MAGI2: variants seen among roughly 807,000 people sequenced by gnomAD.
MAGI2 encodes membrane-associated guanylate kinase, WW and PDZ domain-containing protein 2.
In MAGI2, 35 loss-of-function variants were observed where a neutral mutation model predicts 133.3. The observed-to-expected ratio is 0.26, with a 90% CI of 0.20 to 0.35. The LOEUF is 0.35. Ranked by LOEUF, MAGI2 falls within the 10% of genes least tolerant of loss-of-function variation. MAGI2 has a pLI of 1.00. For missense variants in MAGI2, 1,636 were observed against 1,863.4 expected (o/e 0.88, Z 2.25); for synonymous variants, 729 against 710.6 (o/e 1.03, Z -0.41).
At chr7:78,953,831 T>C (rs534920789) in intron 2 of MAGI2, among the ~76,000 whole-genome samples, 14 of 152,190 alleles carry the variant, frequency 9.2e-5, no homozygotes, top group African/African-American at 2.9e-4. Flanking sequence ...CCAAATGAAA[T>C]TGGGCTGTTT....
At chr7:79,405,480 T>A (rs1845743794) in intron 1 of MAGI2, among the ~76,000 whole-genome samples, 1 of 152,270 alleles carries the variant, frequency 6.6e-6, no homozygotes, top group Middle Eastern at 3.4e-3. Flanking sequence ...AGAGTGATCC[T>A]TATTAATACT....
At chr7:79,187,719 C>A (rs1827289623) in intron 1 of MAGI2, among the ~76,000 whole-genome samples, 1 of 151,528 alleles carries the variant, frequency 6.6e-6, no homozygotes, top group Non-Finnish European at 1.5e-5. Flanking sequence ...TATGTCACAC[C>A]AAATTTATAA....
At chr7:78,041,027 T>C (rs1252299016) in intron 21 of MAGI2, among the ~76,000 whole-genome samples, 1 of 152,110 alleles carries the variant, frequency 6.6e-6, no homozygotes, top group Non-Finnish European at 1.5e-5. Flanking sequence ...GGGGAAAGAT[T>C]GAAACTAACT....
chr7:78,769,195 A>G (rs1825327727), intron 2 of MAGI2, among the ~76,000 whole-genome samples: 2 of 152,180 alleles, frequency 1.3e-5, no homozygotes, highest in Non-Finnish European at 2.9e-5. Context: ...CTAAAAAGGG[A>G]AAACATGATA....
chr7:78,456,563 C>T (rs1242948557), intron 6 of MAGI2, among the ~76,000 whole-genome samples: 2 of 152,150 alleles, frequency 1.3e-5, no homozygotes, highest in African/African-American at 4.8e-5. Flanking sequence ...ATAATCAATA[C>T]TCCATAAACA....
At chr7:78,846,521 G>T (rs1792623787) in intron 2 of MAGI2, among the ~76,000 whole-genome samples, 1 of 151,932 alleles carries the variant, frequency 6.6e-6, no homozygotes, top group African/African-American at 2.4e-5. Context: ...TGTAGGAATA[G>T]TTTATCTTGT....
chr7:78,821,168 AC>A (rs766254076), intron 2 of MAGI2, among the ~76,000 whole-genome samples: 13 of 152,002 alleles, frequency 8.6e-5, no homozygotes, highest in Non-Finnish European at 1.9e-4. Flanking sequence ...ACTACTCCAA[AC>A]CTCTGTTTTC....
intron 6 of MAGI2, among the ~76,000 whole-genome samples, chr7:78,431,896 AT>A (rs1799829698): frequency 6.6e-6 from 1 of 152,080 alleles, no homozygotes; most frequent in Non-Finnish European, 1.5e-5. Flanking sequence ...ATTCCATGAA[AT>A]AGAGTTTTGG....
At chr7:78,405,006 T>C (rs1397111782) in intron 6 of MAGI2, among the ~76,000 whole-genome samples, 4 of 151,964 alleles carry the variant, frequency 2.6e-5, no homozygotes, top group Admixed American at 6.6e-5. Context: ...AGTTAACTCG[T>C]TAATGGTTTC....
At position 78,019,471 on chromosome 7, in the gene MAGI2, G is replaced by A. The variant is rs1161633978; in HGVS notation, c.4212C>T (p.Gly1404=). The A allele has an allele frequency of 7.1e-6, 7 of 980,472 alleles. No homozygotes were observed. The highest frequency in any genetic ancestry group is 1.3e-4 in the Admixed American group (2 of 15,730). The allele number at this position is 980,472 out of a possible 1,614,324, so 60.7% of individuals were successfully genotyped here. The change falls in exon 22 of 22, where the codon GGC becomes GGT. Residue 1404 remains glycine, a synonymous_variant. Transcript: ENST00000354212. ...GGGGACCCGCGCGCGCACCCGCCCTGCCCTCGGCCTCCAGCGCGCCGCTGC... is the reference window on the plus strand; with the variant it reads ...GGGGACCCGCGCGCGCACCCGCCCTACCCTCGGCCTCCAGCGCGCCGCTGC... ...GGGSGALEAE[G]RAGARAGPRP...
rs189867156 is a variant in MAGI2, at chr7:78,125,324, A to C, written c.3567+370T>G. 1.4e-3 allele frequency among the ~76,000 whole-genome samples: 215 copies of C among 152,340 alleles called. 1 individual carries two copies. Among genetic ancestry groups the C allele is most frequent in the African/African-American group, 4.9e-3 (203 of 41,584 alleles). The stretch of plus-strand genomic sequence containing the variant: ...ATGTGATTAATCAATATGGGGGAAA[A>C]AGCACAAAACTAAAAATAAATTTCA... On this transcript the variant is annotated intron_variant, in intron 20 of 21. Transcript: ENST00000354212.
intron 1 of MAGI2, among the ~76,000 whole-genome samples, chr7:79,180,418 T>C (rs1826505307): frequency 6.6e-6 from 1 of 151,994 alleles, no homozygotes; most frequent in African/African-American, 2.4e-5. Flanking sequence ...AGGTCACATC[T>C]TATGTGGATG....
At chr7:78,108,322 T>C (rs923904087) in intron 20 of MAGI2, among the ~76,000 whole-genome samples, 5 of 152,228 alleles carry the variant, frequency 3.3e-5, no homozygotes, top group Non-Finnish European at 7.3e-5. Context: ...TTTATTCTAC[T>C]GTGGTGTGAG....
intron 20 of MAGI2, among the ~76,000 whole-genome samples, chr7:78,104,580 T>C (rs1236837915): frequency 6.6e-6 from 1 of 152,130 alleles, no homozygotes; most frequent in Non-Finnish European, 1.5e-5. Flanking sequence ...CATCCTTGTA[T>C]GCTACTCTAT....
At chr7:79,220,640 T>C (rs1445040241) in intron 1 of MAGI2, among the ~76,000 whole-genome samples, 1 of 152,042 alleles carries the variant, frequency 6.6e-6, no homozygotes, top group Non-Finnish European at 1.5e-5. Context: ...CTAGAGCTAA[T>C]GCTCGGGGGC....
chr7:78,647,382 A>C (rs1245725668), intron 2 of MAGI2, among the ~76,000 whole-genome samples: 1 of 152,226 alleles, frequency 6.6e-6, no homozygotes, highest in Non-Finnish European at 1.5e-5. Flanking sequence ...CAGCCCACAG[A>C]CATATGAAAA....
Position 78,374,846 on chromosome 7 carries a change from ATTT to A in MAGI2, c.1046-5636_1046-5634del, listed in dbSNP as rs536175501. Among the ~76,000 whole-genome samples the A allele has an allele frequency of 6.5e-4, 96 of 148,782 alleles. 1 individual carries two copies. The highest frequency in any genetic ancestry group is 2.2e-3 in the African/African-American group (91 of 40,678). On this transcript the variant is annotated intron_variant, in intron 6 of 21. Coordinates refer to ENST00000354212, the MANE Select transcript of MAGI2 (RefSeq NM_012301.4). Reference sequence around the variant, plus strand: ...TATATTCTTCTTTTACATTGTGTTGATTTTTTTTTTTGAGACAGAGTCTCGCTC... The same window carrying A: ...TATATTCTTCTTTTACATTGTGTTGATTTTTTTTGAGACAGAGTCTCGCTC...
At chr7:79,171,771 T>TATATATATATATATATA (rs1554394312) in intron 1 of MAGI2, among the ~76,000 whole-genome samples, 36 of 20,004 alleles carry the variant, frequency 1.8e-3, no homozygotes, top group Non-Finnish European at 2.7e-3. Context: ...TATATATATA[T>TATATATATATATATATA]TTTTTTTTTT....
intron 21 of MAGI2, among the ~76,000 whole-genome samples, chr7:78,075,993 T>G (rs937248545): frequency 1.3e-5 from 2 of 152,236 alleles, no homozygotes; most frequent in African/African-American, 2.4e-5. Context: ...TTTTGTGATA[T>G]CATCTCTAAA....
Sources: gnomAD v4.1 joint callset for allele counts (sites outside exome capture counted in the v4.1 genomes callset) on GRCh38, gnomAD v4.1.1 for gene constraint, MANE v1.5 for transcripts, NCBI Gene and HGNC (gene_info 2026-07-23, HGNC 2026-07-21) for gene names.